The following PIAS1 variants were observed in gnomAD, a reference collection of about 807,000 sequenced individuals.
PIAS1 encodes E3 SUMO-protein ligase PIAS1.
A neutral mutation model predicts 71.3 loss-of-function variants in PIAS1; 6 were observed. The observed-to-expected ratio is 0.08, with a 90% CI of 0.05 to 0.17. The LOEUF is 0.17. PIAS1 is among the 10% of genes least tolerant of loss of function. The pLI is 1.00. For missense variants in PIAS1, 555 were observed against 793.6 expected, an observed-to-expected ratio of 0.70 and a Z score of 3.61; for synonymous variants, 303 against 292.9, an observed-to-expected ratio of 1.03 and a Z score of -0.35.
intron 1 of PIAS1, among the ~76,000 whole-genome samples, chr15:68,058,182 T>C (rs2091916665): frequency 6.6e-6 from 1 of 152,250 alleles, no homozygotes; most frequent in Non-Finnish European, 1.5e-5. Flanking sequence ...TATGATGAGA[T>C]GTAGCCTTTC....
Position 68,157,595 on chromosome 15 carries a change from A to G in PIAS1, c.934+3900A>G, listed in dbSNP as rs116137148. 8.1e-3 allele frequency among the ~76,000 whole-genome samples: 1,227 copies of G among 152,326 alleles called. 19 individuals are homozygous for G. The highest frequency in any genetic ancestry group is 0.028 in the African/African-American group (1,168 of 41,578). On this transcript the variant is annotated intron_variant, in intron 7 of 13. Transcript: ENST00000249636. Reference sequence around the variant, plus strand: ...CCTGAATACTTCTGCTGCATTTGATATGAACCACTTTCTCCTTGAAATTCT... The same window carrying G: ...CCTGAATACTTCTGCTGCATTTGATGTGAACCACTTTCTCCTTGAAATTCT...
chr15:68,107,292 C>T (rs1567044613), intron 2 of PIAS1, among the ~76,000 whole-genome samples: 1 of 152,166 alleles, frequency 6.6e-6, no homozygotes, highest in Non-Finnish European at 1.5e-5. Flanking sequence ...AGCAAGTATG[C>T]TTAGGTATGG....
At chr15:68,181,396 A>C (rs1254818838) in intron 12 of PIAS1, 42 bp downstream of exon 12, 2 of 1,586,666 alleles carry the variant, frequency 1.3e-6, no homozygotes, top group Admixed American at 3.4e-5. Context: ...AGCATTATGA[A>C]TGCCTTTGAT....
intron 2 of PIAS1, among the ~76,000 whole-genome samples, chr15:68,094,942 C>T (rs1204611211): frequency 6.6e-6 from 1 of 151,958 alleles, no homozygotes; most frequent in Non-Finnish European, 1.5e-5. Context: ...ATGTAATAGT[C>T]GTGTTTGTAT....
chr15:68,143,216 A>G (rs1045353242), intron 4 of PIAS1, among the ~76,000 whole-genome samples: 4 of 152,074 alleles, frequency 2.6e-5, no homozygotes, highest in African/African-American at 4.8e-5. Flanking sequence ...TGTTTTCCCT[A>G]TAATTGTCAG....
chr15:68,083,942 T>C (rs150571592), intron 1 of PIAS1, among the ~76,000 whole-genome samples: 2 of 152,202 alleles, frequency 1.3e-5, no homozygotes, highest in East Asian at 3.9e-4. Flanking sequence ...GTACCAAGTA[T>C]TGTTATTGCT....
chr15:68,149,943 A>T (rs774277054), intron 6 of PIAS1, among the ~76,000 whole-genome samples: 5 of 152,128 alleles, frequency 3.3e-5, no homozygotes, highest in Non-Finnish European at 7.4e-5. Flanking sequence ...TTATAACATT[A>T]TTATAATGTT....
In PIAS1 at chr15:68,153,607, A is replaced by G; in HGVS notation, c.846A>G (p.Val282=). 6.5e-7 allele frequency: 1 copy of G among 1,549,992 alleles called. No homozygotes were observed. The highest frequency in any genetic ancestry group is 8.9e-7 in the Non-Finnish European group (1 of 1,124,802). The change falls in exon 7 of 14, where the codon GTA becomes GTG. Residue 282 remains valine, a synonymous_variant. Coordinates refer to ENST00000249636, the MANE Select transcript of PIAS1 (RefSeq NM_016166.3). ...AEIGRNYSMA[V]YLVKQLSSTV... is the part of the protein sequence containing the mutation. ...TTTTCCAGAACTATTCCATGGCAGTATATCTTGTAAAACAGTTGTCCTCAA... is the reference window on the plus strand; with the variant it reads ...TTTTCCAGAACTATTCCATGGCAGTGTATCTTGTAAAACAGTTGTCCTCAA...
chr15:68,101,490 C>T (rs1424762621), intron 2 of PIAS1, among the ~76,000 whole-genome samples: 1 of 151,810 alleles, frequency 6.6e-6, no homozygotes, highest in Non-Finnish European at 1.5e-5. Flanking sequence ...TGGGATCTCA[C>T]TGTGTTGCTC....
intron 1 of PIAS1, among the ~76,000 whole-genome samples, chr15:68,085,411 C>T (rs558711843): frequency 6.6e-6 from 1 of 152,186 alleles, no homozygotes. Flanking sequence ...AATAAGTTTG[C>T]GAACATAGGT....
intron 2 of PIAS1, among the ~76,000 whole-genome samples, chr15:68,134,585 A>AC (rs1383447689): frequency 6.8e-5 from 2 of 29,264 alleles, no homozygotes; most frequent in East Asian, 1.0e-3. Context: ...GGCGCCCCCC[A>AC]CCCCCCAGAC....
rs35754942 is a variant in PIAS1, at chr15:68,101,332, GTT to G, written c.469+14597_469+14598del. On this transcript the variant is annotated intron_variant, in intron 2 of 13. Coordinates refer to ENST00000249636, the MANE Select transcript of PIAS1 (RefSeq NM_016166.3). Reference sequence around the variant, plus strand: ...GTCTTTTGTCTTTTCTAATTGCAGTGTTTTTTTTTTTTTTTTAACTTATGAGT... The same window carrying G: ...GTCTTTTGTCTTTTCTAATTGCAGTGTTTTTTTTTTTTTTAACTTATGAGT... 5.0e-3 allele frequency among the ~76,000 whole-genome samples: 690 copies of G among 137,242 alleles called. 5 individuals are homozygous for G. The highest frequency in any genetic ancestry group is 7.0e-3 in the African/African-American group (258 of 37,040). 90.0% of individuals were successfully genotyped at this position (137,242 alleles called of 152,430 possible).
intron 1 of PIAS1, among the ~76,000 whole-genome samples, chr15:68,064,718 A>C (rs1353341246): frequency 6.6e-6 from 1 of 152,248 alleles, no homozygotes; most frequent in South Asian, 2.1e-4. Flanking sequence ...TCATAAGGCT[A>C]GATTTCCTTT....
At chr15:68,130,356 TTTACACAG>T (rs2092681507) in intron 2 of PIAS1, among the ~76,000 whole-genome samples, 2 of 151,990 alleles carry the variant, frequency 1.3e-5, no homozygotes, top group Admixed American at 1.3e-4. Context: ...GAGCAATACA[TTTACACAG>T]TTATATGTTA....
intron 1 of PIAS1, among the ~76,000 whole-genome samples, chr15:68,069,803 CAAAA>C (rs56693841): frequency 7.9e-5 from 8 of 101,444 alleles, no homozygotes; most frequent in Admixed American, 2.1e-4. Flanking sequence ...GACTCCGTCT[CAAAA>C]AAAAAAAAAA....
chr15:68,071,417 A>G (rs1187489260), intron 1 of PIAS1, among the ~76,000 whole-genome samples: 2 of 150,230 alleles, frequency 1.3e-5, no homozygotes, highest in Admixed American at 6.6e-5. Context: ...GGGTTTCACC[A>G]TGTTGGCCAG....
intron 6 of PIAS1, among the ~76,000 whole-genome samples, chr15:68,148,411 G>A (rs2092822816): frequency 6.6e-6 from 1 of 151,942 alleles, no homozygotes. Context: ...TGTAGGTAAT[G>A]TTAAAGTTAA....
intron 2 of PIAS1, among the ~76,000 whole-genome samples, chr15:68,110,971 T>C (rs756681206): frequency 6.6e-6 from 1 of 152,186 alleles, no homozygotes; most frequent in African/African-American, 2.4e-5. Flanking sequence ...AGTTATGATA[T>C]GTACTTTCTC....
In PIAS1 at chr15:68,064,637, A is replaced by G. The variant is rs115736950; in HGVS notation, c.24+10287A>G. Among the ~76,000 whole-genome samples, 1,192 of 152,330 alleles carry G rather than the reference A, an allele frequency of 7.8e-3. 18 individuals carry two copies. The highest frequency in any genetic ancestry group is 0.027 in the African/African-American group (1,137 of 41,560). On this transcript the variant is annotated intron_variant, in intron 1 of 13. Coordinates refer to ENST00000249636, the MANE Select transcript of PIAS1 (RefSeq NM_016166.3). Reference sequence around the variant, plus strand: ...GTGTTTTGGTGAAGGATCAAAGAATATCGAAAGTTATCTGAAAAGGCTAGA... The same window carrying G: ...GTGTTTTGGTGAAGGATCAAAGAATGTCGAAAGTTATCTGAAAAGGCTAGA...
Sources: allele counts gnomAD v4.1 joint callset (sites outside exome capture counted in the v4.1 genomes callset), GRCh38; gene constraint gnomAD v4.1.1; transcripts MANE v1.5; gene names NCBI Gene and HGNC (gene_info 2026-07-23, HGNC 2026-07-21).